Variants in SLC26A11 observed in about 807,000 individuals in gnomAD.
SLC26A11 encodes sodium-independent sulfate anion transporter.
Under a neutral mutation model 62.2 loss-of-function variants are expected in SLC26A11, and 58 were observed. The observed-to-expected ratio is 0.93, with a 90% CI of 0.76 to 1.16. SLC26A11 has a LOEUF of 1.16. Among genes scored for constraint, SLC26A11 ranks in the 50% most tolerant of loss-of-function variants. SLC26A11 has a pLI of 0.00. For missense variants in SLC26A11, 790 were observed against 794.3 expected, an observed-to-expected ratio of 0.99 and a Z score of 0.06; for synonymous variants, 411 against 368.9, an observed-to-expected ratio of 1.11 and a Z score of -1.31.
chr17:80,227,689 C>T, intron 6 of SLC26A11, 129 bp from the exon 7 acceptor site: 1 of 1,325,544 alleles, frequency 7.5e-7, no homozygotes. Flanking sequence ...GGTCTGGGAC[C>T]AGCAGCCTGG....
chr17:80,220,690 G>A (rs1222007442), intron 1 of SLC26A11, among the ~76,000 whole-genome samples, 194 bp downstream of exon 1: 2 of 152,180 alleles, frequency 1.3e-5, no homozygotes, highest in African/African-American at 4.8e-5. Flanking sequence ...CGGGGCCAAG[G>A]GACCGCGGAC....
rs755338382 is a variant in SLC26A11 at position 80,225,908 on chromosome 17, A to G, written c.585A>G (p.Ala195=). 3.1e-6 allele frequency: 5 copies of G among 1,613,920 alleles called. No individual in the cohort carries two copies. The highest frequency in any genetic ancestry group is 4.2e-6 in the Non-Finnish European group (5 of 1,179,860). ...LQVYHTFLRI[A]ETRVGDAVLG... The stretch of plus-strand genomic sequence containing the variant: ...TGTACCACACCTTCCTCAGGATTGC[A>G]GAGACCAGGTACCCCGGGCTTTGTT... Residue 195 remains alanine, a synonymous_variant, in exon 6 of 18, where the codon GCA becomes GCG. Coordinates refer to ENST00000361193, the MANE Select transcript of SLC26A11 (RefSeq NM_001166347.2).
intron 7 of SLC26A11, among the ~76,000 whole-genome samples, chr17:80,230,618 C>A (rs971658450): frequency 2.6e-5 from 4 of 152,108 alleles, no homozygotes; most frequent in Non-Finnish European, 5.9e-5. Context: ...GGTTAGCTGG[C>A]ATATCAGAGA....
chr17:80,223,254 T>C lies in SLC26A11; in HGVS notation c.430T>C (p.Phe144Leu), dbSNP rs1317077913. 2 of 1,614,006 alleles carry C rather than the reference T, an allele frequency of 1.2e-6. No individual in the cohort carries two copies. The highest frequency in any genetic ancestry group is 3.3e-5 in the Admixed American group (2 of 60,016). ...GATGTCCCCTCTTGGCTGGCCAGGG[T>C]TCCTGCTGGACTTCATTTCCTACCC... The part of the protein sequence containing the change: ...QLAMGVLRLG[F>L]LLDFISYPVI... The change falls in exon 5 of 18, where the codon TTC (phenylalanine) becomes CTC (leucine). Residue 144 changes from phenylalanine (F) to leucine (L), a missense_variant and splice_region_variant. Physicochemically the swap from Phe to Leu is conservative, Grantham distance 22. Coordinates refer to ENST00000361193, the MANE Select transcript of SLC26A11 (RefSeq NM_001166347.2). This position sits in a 1 kb window ranked among gnomAD's most constrained non-coding sequence, Gnocchi z 4.6.
chr17:80,234,963 C>T (rs1374645800), intron 7 of SLC26A11, among the ~76,000 whole-genome samples: 1 of 151,848 alleles, frequency 6.6e-6, no homozygotes, highest in African/African-American at 2.4e-5. Flanking sequence ...GGTTTTCCTG[C>T]CTCAGCCTCC....
At position 80,222,362 on chromosome 17, in the gene SLC26A11, C is replaced by G. The variant is rs1322747131; in HGVS notation, c.235-293C>G. On this transcript the variant is annotated intron_variant, in intron 3 of 17. Coordinates refer to ENST00000361193, the MANE Select transcript of SLC26A11 (RefSeq NM_001166347.2). The surrounding 1 kb of genome is among the most constrained non-coding windows in gnomAD (Gnocchi z 4.7). ...CTGCCCTCCAGCCTGGGCGACAGAG[C>G]GAGACTCCATCTCAAAAAAAAAAAA... The G allele has an allele frequency of 6.8e-6, 2 of 294,386 alleles. No individual in the cohort carries two copies. The highest frequency in any genetic ancestry group is 2.5e-5 in the African/African-American group (1 of 40,142). The allele number at this position is 294,386 out of a possible 1,614,324, so 18.2% of individuals were successfully genotyped here. A position where few individuals can be genotyped will look rare whatever the true frequency, so the allele number is the denominator to read the frequency against.
At position 80,221,596 on chromosome 17, in the gene SLC26A11, G is replaced by A. The variant is rs1401469650; in HGVS notation, c.36G>A (p.Arg12=). 2 of 1,605,780 alleles carry A rather than the reference G, an allele frequency of 1.2e-6. No individual in the cohort carries two copies. Among genetic ancestry groups the A allele is most frequent in the Non-Finnish European group, 1.7e-6 (2 of 1,179,334 alleles). ...PSSVTALGQA[R]SSGPGMAPSA... ...CGGTGACGGCGCTGGGTCAGGCCAG[G>A]TCCTCTGGCCCCGGGATGGCCCCGA... The change falls in exon 3 of 18, where the codon AGG becomes AGA. Residue 12 remains arginine (R), a synonymous_variant. Transcript: ENST00000361193.
At position 80,238,820 on chromosome 17, in the gene SLC26A11, G is replaced by GTTTTTTTT. The variant is rs1366044421; in HGVS notation, c.985+1232_985+1233insTTTTTTTT. 1.7e-3 allele frequency among the ~76,000 whole-genome samples: 148 copies of GTTTTTTTT among 87,376 alleles called. 22 individuals are homozygous for GTTTTTTTT. The highest frequency in any genetic ancestry group is 2.0e-3 in the Non-Finnish European group (85 of 42,960). The allele number at this position is 87,376 out of a possible 152,430, so 57.3% of individuals were successfully genotyped here. A position where few individuals can be genotyped will look rare whatever the true frequency, so the allele number is the denominator to read the frequency against. Reference sequence around the variant, plus strand: ...TACCCCCTTCAAAGGAGTTTTTTTTGTTTTTTGTTTTTTTTTTTTTTTGGA... The same window carrying GTTTTTTTT: ...TACCCCCTTCAAAGGAGTTTTTTTTGTTTTTTTTTTTTTTGTTTTTTTTTTTTTTTGGA... On this transcript the variant is annotated intron_variant, in intron 9 of 17. Coordinates refer to ENST00000361193, the MANE Select transcript of SLC26A11 (RefSeq NM_001166347.2).
In SLC26A11 at chr17:80,246,359, C is replaced by T; in HGVS notation, c.1153+150C>T. The T allele has an allele frequency of 2.8e-6, 4 of 1,412,872 alleles. No homozygotes were observed. Among genetic ancestry groups the T allele is most frequent in the Non-Finnish European group, 3.8e-6 (4 of 1,046,026 alleles). 87.5% of individuals were successfully genotyped at this position (1,412,872 alleles called of 1,614,324 possible). The stretch of plus-strand genomic sequence containing the variant: ...GGGCCACACAGGAGTAGGGGGACCA[C>T]AGGAGACTGAGCAGGGGCTGGGGGC... On this transcript the variant is annotated intron_variant, in intron 12 of 17. Transcript: ENST00000361193. The surrounding 1 kb of genome is among the most constrained non-coding windows in gnomAD (Gnocchi z 4.4).
chr17:80,221,701 G>T lies in SLC26A11; in HGVS notation c.141G>T (p.Trp47Cys). ...GGCTGCCCAGCTACTCCCTGCAGTG[G>T]CTGAAGATGGATTTCGTCGCCGGCC... ...LAWLPSYSLQWLKMDFVAGLS... is the reference protein window; with the variant it reads ...LAWLPSYSLQCLKMDFVAGLS... Residue 47 changes from tryptophan (W) to cysteine (C), a missense_variant, in exon 3 of 18, where the codon TGG becomes TGT. Physicochemically the swap from Trp to Cys is radical, Grantham distance 215. Coordinates refer to ENST00000361193, the MANE Select transcript of SLC26A11 (RefSeq NM_001166347.2). 4 of 1,613,694 alleles carry T rather than the reference G, an allele frequency of 2.5e-6. No homozygotes were observed. The highest frequency in any genetic ancestry group is 2.5e-6 in the Non-Finnish European group (3 of 1,180,030).
rs1404677562 is a variant in SLC26A11 at position 80,221,657 on chromosome 17, A to G, written c.97A>G (p.Arg33Gly). ...CTGCTCCCCTGCGGCCCTGCAGAGGAGGCTGCCCATCCTGGCGTGGCTGCC... is the reference window on the plus strand; with the variant it reads ...CTGCTCCCCTGCGGCCCTGCAGAGGGGGCTGCCCATCCTGGCGTGGCTGCC... ...CCCSPAALQR[R>G]LPILAWLPSY... The change falls in exon 3 of 18, where the codon AGG becomes GGG. Residue 33 changes from arginine to glycine, a missense_variant. Transcript: ENST00000361193. The G allele has an allele frequency of 3.1e-6, 5 of 1,612,810 alleles. 1 individual carries two copies. The highest frequency in any genetic ancestry group is 3.3e-5 in the Admixed American group (2 of 60,004).
rs61272494 is a variant in SLC26A11 at position 80,225,768 on chromosome 17, G to A, written c.514-69G>A. On this transcript the variant is annotated intron_variant, in intron 5 of 17. Coordinates refer to ENST00000361193, the MANE Select transcript of SLC26A11 (RefSeq NM_001166347.2). ...TGTCTCAGCCCTAGGGGAGGTGGGC[G>A]GGGAGCTGGGGACAGATGGCCTTGG... 9.4e-3 allele frequency: 12,727 copies of A among 1,356,352 alleles called. 965 individuals carry two copies. The African/African-American group carries it at 0.16, about 17-fold the overall frequency. The allele number at this position is 1,356,352 out of a possible 1,614,324, so 84.0% of individuals were successfully genotyped here. A position where few individuals can be genotyped will look rare whatever the true frequency, so the allele number is the denominator to read the frequency against.
intron 7 of SLC26A11, among the ~76,000 whole-genome samples, chr17:80,236,396 G>C (rs980217178): frequency 1.3e-5 from 2 of 152,182 alleles, no homozygotes; most frequent in Non-Finnish European, 2.9e-5. Flanking sequence ...AAACCCCTGG[G>C]CTCTGCTAGG....
intron 7 of SLC26A11, among the ~76,000 whole-genome samples, chr17:80,233,155 G>T (rs1394094593): frequency 1.3e-5 from 2 of 151,880 alleles, no homozygotes; most frequent in Non-Finnish European, 2.9e-5. Context: ...AGGCTGAGGT[G>T]GGAGGATTGC....
chr17:80,222,801 C>T lies in SLC26A11; in HGVS notation c.381C>T (p.Ala127=), dbSNP rs1255243873. 1 of 1,614,106 alleles carries T rather than the reference C, an allele frequency of 6.2e-7. No individual in the cohort carries two copies. The highest frequency in any genetic ancestry group is 1.3e-5 in the African/African-American group (1 of 74,924). Residue 127 remains alanine (A), a synonymous_variant, in exon 4 of 18, where the codon GCC becomes GCT. Coordinates refer to ENST00000361193, the MANE Select transcript of SLC26A11 (RefSeq NM_001166347.2). The surrounding 1 kb of genome is among the most constrained non-coding windows in gnomAD (Gnocchi z 4.7). ...AGCCCGCCTACGCTGTGCTGCTGGC[C>T]TTCCTGTCCGGCTGCATCCAGCTGG... is the stretch of plus-strand genomic sequence containing the variant. ...FHEPAYAVLL[A]FLSGCIQLAM...
intron 10 of SLC26A11, among the ~76,000 whole-genome samples, chr17:80,242,547 T>G (rs2042891825): frequency 6.6e-6 from 1 of 152,200 alleles, no homozygotes; most frequent in Non-Finnish European, 1.5e-5. Flanking sequence ...CACCCTGCCC[T>G]GTGCCTCCCT....
chr17:80,240,593 A>G (rs2042833777), intron 9 of SLC26A11, among the ~76,000 whole-genome samples: 1 of 152,076 alleles, frequency 6.6e-6, no homozygotes, highest in Non-Finnish European at 1.5e-5. Context: ...ACCTGAGGTC[A>G]GGAGTTCGAC....
chr17:80,236,458 G>A (rs939962819), intron 7 of SLC26A11, among the ~76,000 whole-genome samples: 10 of 152,356 alleles, frequency 6.6e-5, no homozygotes, highest in Admixed American at 1.3e-4. Context: ...GGCAGCCGGC[G>A]GGGCAGTGAT....
At chr17:80,230,019 A>G (rs2042519380) in intron 7 of SLC26A11, among the ~76,000 whole-genome samples, 1 of 151,736 alleles carries the variant, frequency 6.6e-6, no homozygotes, top group Non-Finnish European at 1.5e-5. Flanking sequence ...GCTTGGCCAA[A>G]CCCCGTCTCT....
Sources: gnomAD v4.1 joint callset for allele counts (sites outside exome capture counted in the v4.1 genomes callset) on GRCh38, gnomAD v4.1.1 for gene constraint, Gnocchi (gnomAD v3.1) non-coding constraint, MANE v1.5 for transcripts, NCBI Gene and HGNC (gene_info 2026-07-23, HGNC 2026-07-21) for gene names.